PABPC4L: variants seen among roughly 807,000 people sequenced by gnomAD.
The protein encoded by PABPC4L is poly(A) binding protein cytoplasmic 4 like.
For synonymous variants in PABPC4L, 169 were observed against 164.1 expected (o/e 1.03, Z -0.23); for missense variants, 452 against 451.4 (o/e 1.00, Z -0.01).
chr4:134,027,915 C>A, the PABPC4L span, among the ~76,000 whole-genome samples: 1 of 152,216 alleles, frequency 6.6e-6, no homozygotes, highest in East Asian at 1.9e-4. Context: ...TTTACACAAG[C>A]TAAGCCAACC....
At chr4:134,070,592 G>A in the PABPC4L span, among the ~76,000 whole-genome samples, 1 of 152,116 alleles carries the variant, frequency 6.6e-6, no homozygotes, top group Admixed American at 6.5e-5. Flanking sequence ...ACATGCCGCT[G>A]GAGGAGGGGA....
the PABPC4L span, among the ~76,000 whole-genome samples, chr4:134,123,153 T>C: frequency 6.6e-6 from 1 of 152,014 alleles, no homozygotes; most frequent in Non-Finnish European, 1.5e-5. Flanking sequence ...TTATTTAATA[T>C]ATATTGCTGA....
At chr4:134,047,537 T>C in the PABPC4L span, among the ~76,000 whole-genome samples, 1 of 152,168 alleles carries the variant, frequency 6.6e-6, no homozygotes. Context: ...GGCTCAGCCC[T>C]CATTAACACA....
the PABPC4L span, among the ~76,000 whole-genome samples, chr4:134,034,247 A>G: frequency 1.3e-5 from 2 of 152,060 alleles, no homozygotes; most frequent in African/African-American, 4.8e-5. Flanking sequence ...GTTTAAGCCC[A>G]CTTTTGAAAC....
chr4:134,083,295 C>G, the PABPC4L span, among the ~76,000 whole-genome samples: 2 of 152,028 alleles, frequency 1.3e-5, no homozygotes, highest in Non-Finnish European at 2.9e-5. Context: ...CTATATGTCT[C>G]CTTATAAATA....
At chr4:134,050,641 G>T in the PABPC4L span, among the ~76,000 whole-genome samples, 4 of 148,332 alleles carry the variant, frequency 2.7e-5, no homozygotes, top group Non-Finnish European at 4.4e-5. Flanking sequence ...GGAGGCAGGG[G>T]TTGCAGTGAG....
chr4:134,067,690 C>A, the PABPC4L span, among the ~76,000 whole-genome samples: 1 of 151,950 alleles, frequency 6.6e-6, no homozygotes, highest in East Asian at 1.9e-4. Flanking sequence ...CTCTTAACCA[C>A]CTTAGTAATG....
chr4:134,138,235 C>T, the PABPC4L span, among the ~76,000 whole-genome samples: 2 of 151,754 alleles, frequency 1.3e-5, no homozygotes, highest in East Asian at 1.9e-4. Context: ...ATATTTTGTA[C>T]TAGAATATTA....
At chr4:133,986,361 A>C in the PABPC4L span, among the ~76,000 whole-genome samples, 1 of 152,226 alleles carries the variant, frequency 6.6e-6, no homozygotes, top group African/African-American at 2.4e-5. Flanking sequence ...CGAGATATAT[A>C]AATTAAGTAA....
chr4:133,979,366 A>T, the PABPC4L span, among the ~76,000 whole-genome samples: 1 of 152,318 alleles, frequency 6.6e-6, no homozygotes, highest in Non-Finnish European at 1.5e-5. Flanking sequence ...TAGTCAATGT[A>T]ATTTTTAAAT....
In PABPC4L at chr4:134,200,723, G is replaced by T. The variant is rs1312759238; in HGVS notation, c.297C>A (p.Asn99Lys). ...ATTTGTCCAGATTCTTGATGAATACGTTCCCAATTCCAGATCTCCTCAAGT... is the reference window on the plus strand; with the variant it reads ...ATTTGTCCAGATTCTTGATGAATACTTTCCCAATTCCAGATCTCCTCAAGT... ...DAYLRRSGIGNVFIKNLDKSI... is the reference protein window; with the variant it reads ...DAYLRRSGIGKVFIKNLDKSI... Residue 99 changes from asparagine (N) to lysine (K), a missense_variant, in exon 2 of 2, where the codon AAC becomes AAA. Transcript: ENST00000421491. 1.3e-6 allele frequency: 2 copies of T among 1,551,530 alleles called. No individual in the cohort carries two copies. Among genetic ancestry groups the T allele is most frequent in the African/African-American group, 1.4e-5 (1 of 73,030 alleles).
At chr4:134,131,229 A>G in the PABPC4L span, among the ~76,000 whole-genome samples, 374 of 152,208 alleles carry the variant, frequency 2.5e-3, 2 homozygotes, top group African/African-American at 8.4e-3. Context: ...AAGGGCATCC[A>G]AATCAATGAA....
chr4:134,182,560 C>T, the PABPC4L span, among the ~76,000 whole-genome samples: 1 of 151,612 alleles, frequency 6.6e-6, no homozygotes, highest in African/African-American at 2.4e-5. Flanking sequence ...TCATTATCAA[C>T]ACACCAAAAG....
chr4:134,015,946 T>C, the PABPC4L span, among the ~76,000 whole-genome samples: 1 of 152,178 alleles, frequency 6.6e-6, no homozygotes, highest in African/African-American at 2.4e-5. Context: ...TTCTGCTTCC[T>C]GGCTCCTTCA....
chr4:134,009,062 G>T, the PABPC4L span, among the ~76,000 whole-genome samples: 1 of 151,716 alleles, frequency 6.6e-6, no homozygotes, highest in Non-Finnish European at 1.5e-5. Context: ...AGTTGTAATT[G>T]CTTCTGGGTA....
chr4:133,993,551 G>A, the PABPC4L span, among the ~76,000 whole-genome samples: 1 of 152,176 alleles, frequency 6.6e-6, no homozygotes, highest in East Asian at 1.9e-4. Context: ...AGGGACATGA[G>A]TAACATCTGT....
the PABPC4L span, among the ~76,000 whole-genome samples, chr4:134,128,794 A>T: frequency 1.3e-5 from 2 of 152,180 alleles, no homozygotes; most frequent in African/African-American, 4.8e-5. Flanking sequence ...GCAACAAATA[A>T]CATGAGGAAT....
chr4:134,155,075 T>G, the PABPC4L span, among the ~76,000 whole-genome samples: 1 of 152,098 alleles, frequency 6.6e-6, no homozygotes, highest in Non-Finnish European at 1.5e-5. Context: ...ACAATTCATA[T>G]GGCACAAATG....
chr4:134,081,647 G>A, the PABPC4L span, among the ~76,000 whole-genome samples: 12 of 152,022 alleles, frequency 7.9e-5, no homozygotes, highest in Non-Finnish European at 1.3e-4. Context: ...CATAGCCAAC[G>A]GTACTGGAAG....
Sources: gnomAD v4.1 joint callset for allele counts (sites outside exome capture counted in the v4.1 genomes callset) on GRCh38, gnomAD v4.1.1 for gene constraint, MANE v1.5 for transcripts, NCBI Gene and HGNC (gene_info 2026-07-23, HGNC 2026-07-21) for gene names.